The following CD37 variants were observed in gnomAD, a reference collection of about 807,000 sequenced individuals.
CD37 encodes the protein CD37 molecule.
In CD37, 37 loss-of-function variants were observed where a neutral mutation model predicts 38.9. The observed-to-expected ratio is 0.95, with a 90% CI of 0.73 to 1.25. The LOEUF is 1.25. Ranked by LOEUF, CD37 falls within the 50% of genes most tolerant of loss-of-function variation. The pLI is 0.00. For synonymous variants in CD37, 146 were observed against 150.1 expected, an observed-to-expected ratio of 0.97 and a Z score of 0.20; for missense variants, 351 against 360.1, an observed-to-expected ratio of 0.97 and a Z score of 0.20.
rs1311742160 is a variant in CD37 at position 49,335,939 on chromosome 19, C to A, written c.142+153C>A. On this transcript the variant is annotated intron_variant, in intron 2 of 7. Transcript: ENST00000323906. The surrounding 1 kb of genome is among the most constrained non-coding windows in gnomAD (Gnocchi z 4.6). ...ACCGGAGGCTTCTTGGAGCCTGAGTCTTCTTCCGGCAAATGGGGTTGTGCA... is the reference window on the plus strand; with the variant it reads ...ACCGGAGGCTTCTTGGAGCCTGAGTATTCTTCCGGCAAATGGGGTTGTGCA... The A allele has an allele frequency of 1.5e-6, 1 of 673,806 alleles. No homozygotes were observed. Among genetic ancestry groups the A allele is most frequent in the East Asian group, 2.5e-5 (1 of 39,958 alleles). The allele number at this position is 673,806 out of a possible 1,614,324, so 41.7% of individuals were successfully genotyped here.
intron 2 of CD37, 101 bp from the exon 3 acceptor site, chr19:49,336,807 CA>C (rs1447628728): frequency 1.6e-6 from 2 of 1,241,104 alleles, no homozygotes; most frequent in Non-Finnish European, 2.3e-6. Context: ...GAGAGAGGGG[CA>C]CCAAGATACT....
At position 49,339,992 on chromosome 19, in the gene CD37, CCAAA is replaced by C. The variant is rs1971151805; in HGVS notation, c.769-258_769-255del. 2 of 1,437,912 alleles carry C rather than the reference CCAAA, an allele frequency of 1.4e-6. No homozygotes were observed. Among genetic ancestry groups the C allele is most frequent in the Non-Finnish European group, 1.8e-6 (2 of 1,098,928 alleles). 89.1% of individuals were successfully genotyped at this position (1,437,912 alleles called of 1,614,324 possible). ...GCAGAGGGGGAAGACAGATGAGCCT[CCAAA>C]ATAAAGGACCCTGGGCTTGCTTCCG... On this transcript the variant is annotated intron_variant, in intron 7 of 7. Transcript: ENST00000323906. This position sits in a 1 kb window ranked among gnomAD's most constrained non-coding sequence, Gnocchi z 4.5.
intron 4 of CD37, chr19:49,337,616 AAATT>A: frequency 6.8e-7 from 1 of 1,464,854 alleles, no homozygotes; most frequent in African/African-American, 1.4e-5. Context: ...CTCAAAAAAT[AAATT>A]AATAGAAAGA....
At position 49,340,582 on chromosome 19, in the gene CD37, TAAATC is replaced by T; in HGVS notation, c.*255_*259del. 1 of 592,766 alleles carries T rather than the reference TAAATC, an allele frequency of 1.7e-6. No homozygotes were observed. 36.7% of individuals were successfully genotyped at this position (592,766 alleles called of 1,614,324 possible). ...GATTATTTTTCACCCAAACCTCAAA[TAAATC>T]CCCTGCGTTTTTGGTAAAATAGCTT... On this transcript the variant is annotated 3_prime_UTR_variant, in exon 8 of 8. Transcript: ENST00000323906.
chr19:49,335,945 C>T lies in CD37; in HGVS notation c.142+159C>T. The T allele has an allele frequency of 1.5e-6, 1 of 665,042 alleles. No homozygotes were observed. Among genetic ancestry groups the T allele is most frequent in the Non-Finnish European group, 2.7e-6 (1 of 374,286 alleles). 41.2% of individuals were successfully genotyped at this position (665,042 alleles called of 1,614,324 possible). A position where few individuals can be genotyped will look rare whatever the true frequency, so the allele number is the denominator to read the frequency against. On this transcript the variant is annotated intron_variant, in intron 2 of 7. Transcript: ENST00000323906. This position sits in a 1 kb window ranked among gnomAD's most constrained non-coding sequence, Gnocchi z 4.6. The stretch of plus-strand genomic sequence containing the variant: ...GGCTTCTTGGAGCCTGAGTCTTCTT[C>T]CGGCAAATGGGGTTGTGCATACAAA...
chr19:49,336,015 C>T (rs891408701), intron 2 of CD37: 1 of 578,598 alleles, frequency 1.7e-6, no homozygotes, highest in Non-Finnish European at 3.1e-6. Flanking sequence ...TCCTATCTGT[C>T]GGGACTTGTG....
intron 7 of CD37, 198 bp from the exon 8 acceptor site, chr19:49,340,053 T>A: frequency 6.7e-7 from 1 of 1,503,628 alleles, no homozygotes; most frequent in African/African-American, 1.4e-5. Flanking sequence ...TACCCCCACT[T>A]GTAGCAGCTA....
Position 49,339,368 on chromosome 19 carries a change from C to A in CD37, c.723C>A (p.Asn241Lys). Residue 241 changes from asparagine to lysine, a missense_variant, in exon 7 of 8, where the codon AAC (asparagine) becomes AAA (lysine). By Grantham distance (94) the Asn-to-Lys change is moderately conservative (BLOSUM62 0). Coordinates refer to ENST00000323906, the MANE Select transcript of CD37 (RefSeq NM_001774.3). The surrounding 1 kb of genome is among the most constrained non-coding windows in gnomAD (Gnocchi z 4.5). ...AQGLQKWLHN[N>K]LISIVGICLG... ...GCCTCCAGAAGTGGCTGCACAACAA[C>A]CTTATTTCCATAGTGGGCATTTGCC... The A allele has an allele frequency of 6.2e-7, 1 of 1,614,076 alleles. No homozygotes were observed. The highest frequency in any genetic ancestry group is 8.5e-7 in the Non-Finnish European group (1 of 1,179,948).
At position 49,337,028 on chromosome 19, in the gene CD37, G is replaced by A; in HGVS notation, c.262G>A (p.Gly88Ser). 6.2e-7 allele frequency: 1 copy of A among 1,613,316 alleles called. No individual in the cohort carries two copies. The highest frequency in any genetic ancestry group is 8.5e-7 in the Non-Finnish European group (1 of 1,179,506). Residue 88 changes from glycine (G) to serine (S), a missense_variant, in exon 3 of 8, where the codon GGC (glycine) becomes AGC (serine). By Grantham distance (56) the Gly-to-Ser change is moderately conservative. Coordinates refer to ENST00000323906, the MANE Select transcript of CD37 (RefSeq NM_001774.3). The part of the protein sequence containing the change: ...GALKELRCLL[G>S]LYFGMLLLLF... ...CCTCAAGGAGCTCCGCTGCCTCCTG[G>A]GCCTGGTGAGTGCACCATCCCTCTC...
At position 49,335,839 on chromosome 19, in the gene CD37, T is replaced by C. The variant is rs1970933002; in HGVS notation, c.142+53T>C. On this transcript the variant is annotated intron_variant, in intron 2 of 7. Coordinates refer to ENST00000323906, the MANE Select transcript of CD37 (RefSeq NM_001774.3). The surrounding 1 kb of genome is among the most constrained non-coding windows in gnomAD (Gnocchi z 4.6). ...GCCTCCCCCAACCCAAGCAACTTCC[T>C]GGGGTCTCCCTTGTCTCAGGGAGAC... 1 of 1,455,684 alleles carries C rather than the reference T, an allele frequency of 6.9e-7. No individual in the cohort carries two copies. Among genetic ancestry groups the C allele is most frequent in the Non-Finnish European group, 9.6e-7 (1 of 1,039,124 alleles). 90.2% of individuals were successfully genotyped at this position (1,455,684 alleles called of 1,614,324 possible). A position where few individuals can be genotyped will look rare whatever the true frequency, so the allele number is the denominator to read the frequency against.
At chr19:49,336,138 A>T (rs1177632528) in intron 2 of CD37, 1 of 318,144 alleles carries the variant, frequency 3.1e-6, no homozygotes, top group Non-Finnish European at 5.9e-6. Context: ...CATTAATAAT[A>T]GGAAAATAAT....
Position 49,339,662 on chromosome 19 carries a change from C to T in CD37, c.768+249C>T. On this transcript the variant is annotated intron_variant, in intron 7 of 7. Transcript: ENST00000323906. The surrounding 1 kb of genome is among the most constrained non-coding windows in gnomAD (Gnocchi z 4.5). ...CTCCCTCCCCTTTCTCCGCAGATGACTGTCATGGTGCTGAGCGTACAGCTA... is the reference window on the plus strand; with the variant it reads ...CTCCCTCCCCTTTCTCCGCAGATGATTGTCATGGTGCTGAGCGTACAGCTA... The T allele has an allele frequency of 1.4e-6, 2 of 1,428,558 alleles. No individual in the cohort carries two copies. Among genetic ancestry groups the T allele is most frequent in the South Asian group, 1.5e-5 (1 of 66,336 alleles). The allele number at this position is 1,428,558 out of a possible 1,614,324, so 88.5% of individuals were successfully genotyped here. A position where few individuals can be genotyped will look rare whatever the true frequency, so the allele number is the denominator to read the frequency against.
At position 49,336,741 on chromosome 19, in the gene CD37, A is replaced by C. The variant is rs112717061; in HGVS notation, c.143-168A>C. The C allele has an allele frequency of 2.6e-3, 1,635 of 634,056 alleles. 15 individuals are homozygous for C. The African/African-American group carries it at 0.026, about 10-fold the overall frequency. The allele number at this position is 634,056 out of a possible 1,614,324, so 39.3% of individuals were successfully genotyped here. A position where few individuals can be genotyped will look rare whatever the true frequency, so the allele number is the denominator to read the frequency against. On this transcript the variant is annotated intron_variant, in intron 2 of 7. Coordinates refer to ENST00000323906, the MANE Select transcript of CD37 (RefSeq NM_001774.3). ...AGGGACGGGAAACAGGCCCAGAAAG[A>C]AGAGAAAGTTTCAGAAGGAAACAGG...
chr19:49,338,634 TGTC>T lies in CD37; in HGVS notation c.448-65_448-63del. 8.3e-7 allele frequency: 1 copy of T among 1,207,038 alleles called. No homozygotes were observed. The highest frequency in any genetic ancestry group is 1.2e-6 in the Non-Finnish European group (1 of 824,944). The allele number at this position is 1,207,038 out of a possible 1,614,324, so 74.8% of individuals were successfully genotyped here. On this transcript the variant is annotated intron_variant, in intron 5 of 7. Coordinates refer to ENST00000323906, the MANE Select transcript of CD37 (RefSeq NM_001774.3). The surrounding 1 kb of genome is among the most constrained non-coding windows in gnomAD (Gnocchi z 5.0). ...CGACCTGACCTCATACCCATCACCTTGTCCCCTGATCCCCAACATCATATGTCT... is the reference window on the plus strand; with the variant it reads ...CGACCTGACCTCATACCCATCACCTTCCCTGATCCCCAACATCATATGTCT...
At chr19:49,337,500 G>T (rs1383528668) in intron 4 of CD37, 6 of 648,638 alleles carry the variant, frequency 9.3e-6, no homozygotes, top group Non-Finnish European at 1.5e-5. Context: ...TGTGCACCTG[G>T]GGTCCCAGCT....
chr19:49,339,327 C>T lies in CD37; in HGVS notation c.685-3C>T, dbSNP rs993741623. On this transcript the variant is annotated splice_region_variant and splice_polypyrimidine_tract_variant and intron_variant, in intron 6 of 7. Coordinates refer to ENST00000323906, the MANE Select transcript of CD37 (RefSeq NM_001774.3). The surrounding 1 kb of genome is among the most constrained non-coding windows in gnomAD (Gnocchi z 4.5). The stretch of plus-strand genomic sequence containing the variant: ...CCCTTTAACTTTTCCCTACACCCCC[C>T]AGGGCTGCGCGCAGGGCCTCCAGAA... The T allele has an allele frequency of 5.0e-6, 8 of 1,613,704 alleles. No homozygotes were observed. Among genetic ancestry groups the T allele is most frequent in the Non-Finnish European group, 5.9e-6 (7 of 1,179,678 alleles).
In CD37 at chr19:49,340,253, C is replaced by T. The variant is rs762317085; in HGVS notation, c.771C>T (p.Leu257=). 2.5e-6 allele frequency: 4 copies of T among 1,612,996 alleles called. No homozygotes were observed. The Admixed American group carries it at 5.0e-5, about 20-fold the overall frequency. The change falls in exon 8 of 8, where the codon CTC becomes CTT. Residue 257 remains leucine, a splice_region_variant and synonymous_variant. Transcript: ENST00000323906. ...GACCTCATCTCCTTTCTCTATAGCT[C>T]GGGTTCATGACGCTCTCGATATTCC... ...GICLGVGLLE[L]GFMTLSIFLC...
chr19:49,336,754 A>C (rs940348020), intron 2 of CD37, 155 bp from the exon 3 acceptor site: 3 of 687,392 alleles, frequency 4.4e-6, no homozygotes, highest in Admixed American at 6.0e-5. Flanking sequence ...AGAAAGTTTC[A>C]GAAGGAAACA....
In CD37 at chr19:49,338,923, A is replaced by C; in HGVS notation, c.671A>C (p.His224Pro). ...ATCTGCGCTGTCCCTGCAGAGAGCC[A>C]CATCTACCGCGAGGTGGGCAGGGGT... is the stretch of plus-strand genomic sequence containing the variant. ...ADICAVPAES[H>P]IYREGCAQGL... The change falls in exon 6 of 8, where the codon CAC becomes CCC. Residue 224 changes from histidine (H) to proline (P), a missense_variant. Transcript: ENST00000323906. The surrounding 1 kb of genome is among the most constrained non-coding windows in gnomAD (Gnocchi z 5.0). 1.2e-6 allele frequency: 2 copies of C among 1,612,638 alleles called. No individual in the cohort carries two copies. Among genetic ancestry groups the C allele is most frequent in the Non-Finnish European group, 1.7e-6 (2 of 1,178,836 alleles).
Sources: allele counts gnomAD v4.1 joint callset, GRCh38; gene constraint gnomAD v4.1.1; non-coding constraint Gnocchi (gnomAD v3.1); transcripts MANE v1.5; gene names NCBI Gene and HGNC (gene_info 2026-07-23, HGNC 2026-07-21).